OPHN1: variants seen among roughly 807,000 people sequenced by gnomAD.
The protein encoded by OPHN1 is oligophrenin-1.
In OPHN1, 11 loss-of-function variants were observed where a neutral mutation model predicts 60.7. That is an observed-to-expected ratio of 0.18 (90% CI 0.11 to 0.30). The LOEUF (loss-of-function observed/expected upper bound fraction) is 0.30, where lower values mean the gene tolerates loss of function less well. OPHN1 is among the 10% of genes least tolerant of loss of function. The probability of loss-of-function intolerance (pLI) is 1.00; values close to 1 mark genes in which losing one functional copy is unlikely to be tolerated. For missense variants in OPHN1, 449 were observed against 611.0 expected (o/e 0.73, Z 2.80); for synonymous variants, 226 against 222.6 (o/e 1.02, Z -0.14).
intron 15 of OPHN1, among the ~76,000 whole-genome samples, chrX:68,125,891 A>G (rs1404786404): frequency 3.4e-5 from 3 of 88,548 alleles, no homozygotes; most frequent in Non-Finnish European, 4.4e-5. Context: ...AAAACAAACT[A>G]ACAAACAAAC....
At chrX:68,068,496 TACAGCTGCTTTGGAAA>T (rs1206989260) in intron 20 of OPHN1, among the ~76,000 whole-genome samples, 2 of 77,308 alleles carry the variant, frequency 2.6e-5, no homozygotes, top group African/African-American at 8.7e-5. Flanking sequence ...AAAAAAAAGG[TACAGCTGCTTTGGAAA>T]ACAGCCTGGC....
At chrX:68,319,399 C>T (rs1243460385) in intron 2 of OPHN1, among the ~76,000 whole-genome samples, 1 of 110,366 alleles carries the variant, frequency 9.1e-6, no homozygotes, top group African/African-American at 3.3e-5. Flanking sequence ...TAGGCCTTGA[C>T]GAAGAGTTCT....
At chrX:68,260,390 TATA>T in intron 5 of OPHN1, among the ~76,000 whole-genome samples, 1 of 111,003 alleles carries the variant, frequency 9.0e-6, no homozygotes, top group Non-Finnish European at 1.9e-5. Flanking sequence ...CCACAATGTA[TATA>T]TCCATTGAAC....
intron 3 of OPHN1, 91 bp downstream of exon 3, chrX:68,298,910 G>A (rs2147627112): frequency 1.8e-6 from 1 of 545,349 alleles, no homozygotes; most frequent in Non-Finnish European, 3.2e-6. Flanking sequence ...GGATGAAGAT[G>A]TCCAAGTGCT....
intron 19 of OPHN1, among the ~76,000 whole-genome samples, chrX:68,076,161 A>G (rs982535772): frequency 6.3e-5 from 7 of 111,225 alleles, no homozygotes; most frequent in African/African-American, 2.3e-4. Flanking sequence ...AAGAATAAGC[A>G]AAATATTTGA....
chrX:68,377,861 T>C (rs1454328436), intron 2 of OPHN1, among the ~76,000 whole-genome samples: 1 of 111,852 alleles, frequency 8.9e-6, no homozygotes, highest in Non-Finnish European at 1.9e-5. Context: ...TCCAAGTCTT[T>C]GCTATTGTGA....
At chrX:68,226,462 GTT>G (rs1288279029) in intron 6 of OPHN1, among the ~76,000 whole-genome samples, 1 of 111,256 alleles carries the variant, frequency 9.0e-6, no homozygotes, top group Non-Finnish European at 1.9e-5. Context: ...AGGAAAAAAT[GTT>G]AAGGGCAGCC....
At chrX:68,068,171 A>G (rs984958073) in intron 20 of OPHN1, among the ~76,000 whole-genome samples, 1 of 111,179 alleles carries the variant, frequency 9.0e-6, no homozygotes, top group Non-Finnish European at 1.9e-5. Flanking sequence ...CTGGTGGGAA[A>G]GTAAAATGGT....
intron 3 of OPHN1, among the ~76,000 whole-genome samples, chrX:68,297,794 A>G (rs1268067276): frequency 9.0e-6 from 1 of 111,011 alleles, no homozygotes. Flanking sequence ...AAAATCTTAA[A>G]TTACATGGGA....
chrX:68,333,140 A>T (rs1260049290), intron 2 of OPHN1, among the ~76,000 whole-genome samples: 4 of 109,856 alleles, frequency 3.6e-5, no homozygotes, highest in South Asian at 3.9e-4. Flanking sequence ...TTATTTTTTT[A>T]AAAAAAGGCC....
chrX:68,264,317 G>A (rs184321955), intron 5 of OPHN1, among the ~76,000 whole-genome samples: 62 of 111,333 alleles, frequency 5.6e-4, no homozygotes, highest in African/African-American at 2.0e-3. Context: ...GAGTGAACAG[G>A]CACCCTACAG....
At chrX:68,237,285 T>A (rs952465424) in intron 5 of OPHN1, among the ~76,000 whole-genome samples, 1 of 112,657 alleles carries the variant, frequency 8.9e-6, no homozygotes, top group Non-Finnish European at 1.9e-5. Context: ...ACGCCCGGCC[T>A]GTAGTAAGTT....
chrX:68,358,211 C>T (rs1404528396), intron 2 of OPHN1, among the ~76,000 whole-genome samples: 1 of 109,999 alleles, frequency 9.1e-6, no homozygotes, highest in African/African-American at 3.3e-5. Flanking sequence ...GTCACAACTA[C>T]TCGAGAGGCT....
intron 2 of OPHN1, among the ~76,000 whole-genome samples, chrX:68,304,093 C>G (rs1205978300): frequency 9.0e-6 from 1 of 111,398 alleles, no homozygotes; most frequent in Non-Finnish European, 1.9e-5. Flanking sequence ...GTTGCCCAGA[C>G]AAAGAAATGA....
chrX:68,213,761 C>T, intron 7 of OPHN1, 101 bp downstream of exon 7: 4 of 548,522 alleles, frequency 7.3e-6, no homozygotes, highest in Non-Finnish European at 1.3e-5. Flanking sequence ...CACTGATTAT[C>T]CTTCACGTTC....
At chrX:68,088,015 T>G (rs2077001882) in intron 19 of OPHN1, among the ~76,000 whole-genome samples, 1 of 111,702 alleles carries the variant, frequency 9.0e-6, no homozygotes, top group Non-Finnish European at 1.9e-5. Flanking sequence ...CTGTCTTTGG[T>G]CTCAGCAACA....
At chrX:68,433,513 A>C, upstream of OPHN1, 3 of 269,351 alleles carry the variant, frequency 1.1e-5, no homozygotes, top group East Asian at 5.4e-5. Flanking sequence ...CTCCGCGGGC[A>C]ACCCGGATTG....
chrX:68,165,717 C>T (rs7882009), intron 15 of OPHN1, among the ~76,000 whole-genome samples: 5,863 of 111,728 alleles, frequency 0.052, 388 homozygotes, highest in African/African-American at 0.18. Context: ...CGCCACAGTG[C>T]TTCAATTTAT....
chrX:68,179,207 C>T lies in OPHN1; in HGVS notation c.1276+13712G>A, dbSNP rs751514553. On this transcript the variant is annotated intron_variant, in intron 15 of 24. Coordinates refer to ENST00000355520, the MANE Select transcript of OPHN1 (RefSeq NM_002547.3). The stretch of plus-strand genomic sequence containing the variant: ...TTTCAATCAACTATCTCACTAAATT[C>T]TCCTTCTCAGGAATTTTTTAGGTGA... Among the ~76,000 whole-genome samples the T allele has an allele frequency of 2.2e-3, 158 of 70,893 alleles. 1 individual carries two copies. Among genetic ancestry groups the T allele is most frequent in the African/African-American group, 5.1e-3 (152 of 29,659 alleles). The allele number at this position is 70,893 out of a possible 115,157, so 61.6% of individuals were successfully genotyped here.
Sources: allele counts gnomAD v4.1 joint callset (sites outside exome capture counted in the v4.1 genomes callset), GRCh38; gene constraint gnomAD v4.1.1; transcripts MANE v1.5; gene names NCBI Gene and HGNC (gene_info 2026-07-23, HGNC 2026-07-21).